The following MVB12B variants were observed in gnomAD, a reference collection of about 807,000 sequenced individuals.
MVB12B encodes ESCRT-I complex subunit MVB12B.
Under a neutral mutation model 41.6 loss-of-function variants are expected in MVB12B, and 16 were observed. The ratio of observed to expected loss-of-function variants is 0.38; its 90% CI spans 0.26 to 0.58. The LOEUF (loss-of-function observed/expected upper bound fraction) is 0.58, where lower values mean the gene tolerates loss of function less well. Ranked by LOEUF, MVB12B falls within the 20% of genes least tolerant of loss-of-function variation. The probability of loss-of-function intolerance (pLI) is 0.62; values close to 1 mark genes in which losing one functional copy is unlikely to be tolerated. For missense variants in MVB12B, 274 were observed against 380.2 expected (o/e 0.72, Z 2.32); for synonymous variants, 133 against 139.7 (o/e 0.95, Z 0.34).
intron 6 of MVB12B, among the ~76,000 whole-genome samples, chr9:126,412,284 G>T (rs953163882): frequency 1.1e-4 from 16 of 152,236 alleles, no homozygotes; most frequent in African/African-American, 3.9e-4. Context: ...GTGCGTCACA[G>T]ATGACTTCTT....
At chr9:126,356,411 G>A (rs759550806) in intron 2 of MVB12B, among the ~76,000 whole-genome samples, 12 of 152,090 alleles carry the variant, frequency 7.9e-5, no homozygotes, top group African/African-American at 1.4e-4. Flanking sequence ...TTGTACGTAC[G>A]TGTTTGGTTT....
intron 2 of MVB12B, among the ~76,000 whole-genome samples, chr9:126,352,252 G>C (rs1023878570): frequency 1.3e-5 from 2 of 151,964 alleles, no homozygotes; most frequent in African/African-American, 4.8e-5. Context: ...AAAATGAATT[G>C]GAAAGTGTTC....
chr9:126,345,672 T>C (rs1829567475), intron 2 of MVB12B, among the ~76,000 whole-genome samples: 1 of 152,210 alleles, frequency 6.6e-6, no homozygotes, highest in Non-Finnish European at 1.5e-5. Flanking sequence ...TTTCAGTGTA[T>C]CTTACAGTCT....
intron 7 of MVB12B, among the ~76,000 whole-genome samples, chr9:126,428,390 A>C (rs1832239836): frequency 6.6e-6 from 1 of 152,164 alleles, no homozygotes; most frequent in Non-Finnish European, 1.5e-5. Flanking sequence ...TGATGAAAAA[A>C]ATGTGTATCT....
At chr9:126,433,656 T>C (rs1289309700) in intron 7 of MVB12B, among the ~76,000 whole-genome samples, 2 of 152,032 alleles carry the variant, frequency 1.3e-5, no homozygotes, top group Admixed American at 6.5e-5. Context: ...ATTCTCTAGA[T>C]TGGGCCTCCT....
At chr9:126,472,473 A>AAC in intron 7 of MVB12B, among the ~76,000 whole-genome samples, 1 of 149,936 alleles carries the variant, frequency 6.7e-6, no homozygotes, top group East Asian at 2.0e-4. Flanking sequence ...AGCTGGCAAA[A>AAC]AAAAAAAAAA....
In MVB12B at chr9:126,367,904, G is replaced by A. The variant is rs1830228078; in HGVS notation, c.205-13160G>A. Among the ~76,000 whole-genome samples, 1 of 152,194 alleles carries A rather than the reference G, an allele frequency of 6.6e-6. No homozygotes were observed. The highest frequency in any genetic ancestry group is 1.5e-5 in the Non-Finnish European group (1 of 68,042). On this transcript the variant is annotated intron_variant, in intron 2 of 9. Transcript: ENST00000361171. This position sits in a 1 kb window ranked among gnomAD's most constrained non-coding sequence, Gnocchi z 4.3. ...ACCTGGGAGCCATCCTCGGAGGGAGGGGAGGGAGTGCCTGACATATCATAA... is the reference window on the plus strand; with the variant it reads ...ACCTGGGAGCCATCCTCGGAGGGAGAGGAGGGAGTGCCTGACATATCATAA...
intron 7 of MVB12B, among the ~76,000 whole-genome samples, chr9:126,449,632 T>C (rs1375698479): frequency 6.6e-6 from 1 of 152,248 alleles, no homozygotes; most frequent in Non-Finnish European, 1.5e-5. Context: ...AGGGCTGGCC[T>C]GGGCCCAGTA....
intron 7 of MVB12B, among the ~76,000 whole-genome samples, chr9:126,456,804 A>T (rs534593482): frequency 1.3e-5 from 2 of 152,124 alleles, no homozygotes; most frequent in East Asian, 3.9e-4. Flanking sequence ...TCTTCAGCTG[A>T]TCTAGTAATT....
chr9:126,388,890 G>C (rs1830871377), intron 4 of MVB12B, among the ~76,000 whole-genome samples: 2 of 152,196 alleles, frequency 1.3e-5, no homozygotes, highest in South Asian at 4.1e-4. Flanking sequence ...CTTTTCCCCT[G>C]TGTTTTTCAC....
chr9:126,448,602 G>A (rs1051517743), intron 7 of MVB12B, among the ~76,000 whole-genome samples: 1 of 152,256 alleles, frequency 6.6e-6, no homozygotes, highest in Non-Finnish European at 1.5e-5. Flanking sequence ...ATCTGCTCCT[G>A]GTGAGGGCCT....
intron 2 of MVB12B, among the ~76,000 whole-genome samples, chr9:126,354,233 A>G (rs1829824237): frequency 6.6e-6 from 1 of 151,956 alleles, no homozygotes; most frequent in Admixed American, 6.5e-5. Flanking sequence ...TGCCTGTTAT[A>G]TATGTTACAG....
chr9:126,368,207 C>T (rs1362969724), intron 2 of MVB12B, among the ~76,000 whole-genome samples: 3 of 152,100 alleles, frequency 2.0e-5, no homozygotes, highest in Non-Finnish European at 2.9e-5. Context: ...AGACAAAAGC[C>T]GAGGCTCAGA....
chr9:126,363,723 T>C (rs1024095721), intron 2 of MVB12B, among the ~76,000 whole-genome samples: 2 of 152,220 alleles, frequency 1.3e-5, no homozygotes, highest in Admixed American at 6.5e-5. Flanking sequence ...GAGAGTTGTT[T>C]AGATTTGCTC....
rs577240520 is a variant in MVB12B at position 126,387,642 on chromosome 9, T to C, written c.409+984T>C. The stretch of plus-strand genomic sequence containing the variant: ...CTGATGGTCTCTTCACATTTCAACA[T>C]TGGATTGCTTTTTGTCATTTATTAT... On this transcript the variant is annotated intron_variant, in intron 4 of 9. Transcript: ENST00000361171. 2.6e-4 allele frequency among the ~76,000 whole-genome samples: 39 copies of C among 152,354 alleles called. 1 individual carries two copies. In the South Asian group the frequency reaches 7.9e-3, roughly 31 times the overall value.
intron 6 of MVB12B, among the ~76,000 whole-genome samples, chr9:126,418,303 C>T (rs899937956): frequency 6.6e-5 from 10 of 152,154 alleles, no homozygotes; most frequent in African/African-American, 2.2e-4. Flanking sequence ...ATCAGTATTG[C>T]ATGGAGCAGC....
At chr9:126,482,831 T>G (rs1299352446) in intron 8 of MVB12B, among the ~76,000 whole-genome samples, 2 of 152,178 alleles carry the variant, frequency 1.3e-5, no homozygotes, top group African/African-American at 2.4e-5. Flanking sequence ...CAAGGACACA[T>G]ACCCAGCCAG....
chr9:126,414,540 A>G (rs1053965727), intron 6 of MVB12B, among the ~76,000 whole-genome samples: 2 of 152,226 alleles, frequency 1.3e-5, no homozygotes, highest in Non-Finnish European at 2.9e-5. Flanking sequence ...AGTGGCAGAC[A>G]TGGTTGTCCT....
chr9:126,464,199 T>C (rs4836543), intron 7 of MVB12B, among the ~76,000 whole-genome samples: 151,986 of 152,272 alleles, frequency 1, 75,852 homozygotes, highest in Middle Eastern at 1. Context: ...TCATCCACTA[T>C]GATGGGTGGT....
Sources: allele counts gnomAD v4.1 joint callset (sites outside exome capture counted in the v4.1 genomes callset), GRCh38; gene constraint gnomAD v4.1.1; non-coding constraint Gnocchi (gnomAD v3.1); transcripts MANE v1.5; gene names NCBI Gene and HGNC (gene_info 2026-07-23, HGNC 2026-07-21).